Variants in BRD7 observed in about 807,000 individuals in gnomAD.
The protein encoded by BRD7 is bromodomain containing 7.
A neutral mutation model predicts 82.1 loss-of-function variants in BRD7; 15 were observed. The ratio of observed to expected loss-of-function variants is 0.18; its 90% CI spans 0.12 to 0.28. The LOEUF is 0.28. Among genes scored for constraint, BRD7 ranks in the 10% least tolerant of loss-of-function variants. The pLI is 1.00. For missense variants in BRD7, 638 were observed against 779.9 expected, an observed-to-expected ratio of 0.82 and a Z score of 2.17; for synonymous variants, 232 against 266.9, an observed-to-expected ratio of 0.87 and a Z score of 1.27.
intron 4 of BRD7, among the ~76,000 whole-genome samples, chr16:50,351,134 T>C (rs1187982882): frequency 6.6e-6 from 1 of 152,212 alleles, no homozygotes; most frequent in African/African-American, 2.4e-5. Flanking sequence ...TTTAAAAACA[T>C]ATTTACCATG....
chr16:50,320,414 C>T (rs149534506), intron 14 of BRD7, 23 bp from the exon 15 acceptor site: 21 of 1,609,530 alleles, frequency 1.3e-5, no homozygotes, highest in African/African-American at 2.7e-5. Flanking sequence ...AAAACAGACA[C>T]ACTTCTGTTT....
intron 5 of BRD7, among the ~76,000 whole-genome samples, chr16:50,347,743 G>A (rs1171203431): frequency 6.6e-6 from 1 of 152,166 alleles, no homozygotes; most frequent in Non-Finnish European, 1.5e-5. Flanking sequence ...ATAAACCACT[G>A]CTCAATGAAA....
rs566226793 is a variant in BRD7, at chr16:50,324,429, C to T, written c.1332-731G>A. Reference sequence around the variant, plus strand: ...ATCTGGACCGGGTCACTCTTCTGCTCGCAATCCACCAGTAACTTCCATCTC... The same window carrying T: ...ATCTGGACCGGGTCACTCTTCTGCTTGCAATCCACCAGTAACTTCCATCTC... On this transcript the variant is annotated intron_variant, in intron 11 of 16. Transcript: ENST00000394688. Among the ~76,000 whole-genome samples, 24 of 152,150 alleles carry T rather than the reference C, an allele frequency of 1.6e-4. 1 individual carries two copies. The highest frequency in any genetic ancestry group is 9.2e-4 in the Admixed American group (14 of 15,272).
intron 5 of BRD7, 62 bp downstream of exon 5, chr16:50,349,961 T>C (rs924460919): frequency 7.4e-7 from 1 of 1,358,060 alleles, no homozygotes; most frequent in Non-Finnish European, 9.8e-7. Flanking sequence ...ATGAGAAAGA[T>C]TCTGAATATC....
chr16:50,323,495 A>AT (rs1353197979), intron 12 of BRD7, 92 bp downstream of exon 12: 3 of 1,082,896 alleles, frequency 2.8e-6, no homozygotes, highest in African/African-American at 3.1e-5. Context: ...TTCAGCTGTC[A>AT]TACTTGTTAA....
At position 50,368,889 on chromosome 16, in the gene BRD7, G is replaced by T. The variant is rs552962598; in HGVS notation, c.-115C>A. ...AGCGGGGCCCGCGAGACCCCGCGCCGCGAGGCAGGGGGGCGGCGCGCGCCG... is the reference window on the plus strand; with the variant it reads ...AGCGGGGCCCGCGAGACCCCGCGCCTCGAGGCAGGGGGGCGGCGCGCGCCG... On this transcript the variant is annotated 5_prime_UTR_variant, in exon 1 of 17. Transcript: ENST00000394688. 94 of 599,762 alleles carry T rather than the reference G, an allele frequency of 1.6e-4. No homozygotes were observed. In the South Asian group the frequency reaches 3.9e-3, roughly 25 times the overall value. 37.2% of individuals were successfully genotyped at this position (599,762 alleles called of 1,614,324 possible). A position where few individuals can be genotyped will look rare whatever the true frequency, so the allele number is the denominator to read the frequency against.
intron 4 of BRD7, among the ~76,000 whole-genome samples, chr16:50,354,027 TG>T (rs1282135214): frequency 6.6e-6 from 1 of 152,246 alleles, no homozygotes; most frequent in African/African-American, 2.4e-5. Flanking sequence ...TTCCTATTTA[TG>T]GTGTTTTATT....
In BRD7 at chr16:50,320,650, T is replaced by G; in HGVS notation, c.1612+13A>C. 6.3e-7 allele frequency: 1 copy of G among 1,598,992 alleles called. No homozygotes were observed. The highest frequency in any genetic ancestry group is 8.6e-7 in the Non-Finnish European group (1 of 1,166,564). ...CATGCAGTGTTTCAATCAAACCCTC[T>G]GGAGACACTTACCTTCAGAGTCAAA... On this transcript the variant is annotated intron_variant, in intron 14 of 16. Coordinates refer to ENST00000394688, the MANE Select transcript of BRD7 (RefSeq NM_013263.5).
chr16:50,356,743 C>T (rs948774979), intron 2 of BRD7, among the ~76,000 whole-genome samples: 14 of 151,420 alleles, frequency 9.2e-5, no homozygotes, highest in Middle Eastern at 3.4e-3. Context: ...TATATATACA[C>T]ACACACACAC....
At chr16:50,344,810 T>C (rs2038215931) in intron 5 of BRD7, among the ~76,000 whole-genome samples, 1 of 152,144 alleles carries the variant, frequency 6.6e-6, no homozygotes, top group East Asian at 1.9e-4. Context: ...CTGAAAGTGA[T>C]GGGGAGAATG....
At chr16:50,333,423 G>A in intron 8 of BRD7, 151 bp downstream of exon 8, 1 of 989,898 alleles carries the variant, frequency 1.0e-6, no homozygotes, top group Non-Finnish European at 1.5e-6. Context: ...GGAATTGTCT[G>A]TCCATTATTA....
rs988723935 is a variant in BRD7 at position 50,368,535 on chromosome 16, AGGGGGACCC to A, written c.49+182_49+190del. Reference sequence around the variant, plus strand: ...CTCCCCACCAGAGACCCACCGGACCAGGGGGACCCGGGTTCGAATGCCGCGGCCGCACGG... The same window carrying A: ...CTCCCCACCAGAGACCCACCGGACCAGGGTTCGAATGCCGCGGCCGCACGG... On this transcript the variant is annotated intron_variant, in intron 1 of 16. Coordinates refer to ENST00000394688, the MANE Select transcript of BRD7 (RefSeq NM_013263.5). 122 of 705,232 alleles carry A rather than the reference AGGGGGACCC, an allele frequency of 1.7e-4. 1 individual carries two copies. In the South Asian group the frequency reaches 2.9e-3, roughly 17 times the overall value. The allele number at this position is 705,232 out of a possible 1,614,324, so 43.7% of individuals were successfully genotyped here.
intron 1 of BRD7, 195 bp downstream of exon 1, chr16:50,368,531 G>C (rs1004124606): frequency 2.9e-6 from 2 of 700,900 alleles, no homozygotes; most frequent in African/African-American, 1.9e-5. Context: ...AGACCCACCG[G>C]ACCAGGGGGA....
rs375820132 is a variant in BRD7, at chr16:50,324,279, G to C, written c.1332-581C>G. Among the ~76,000 whole-genome samples, 11 of 152,080 alleles carry C rather than the reference G, an allele frequency of 7.2e-5. No homozygotes were observed. The South Asian group carries it at 1.9e-3, about 26-fold the overall frequency. On this transcript the variant is annotated intron_variant, in intron 11 of 16. Coordinates refer to ENST00000394688, the MANE Select transcript of BRD7 (RefSeq NM_013263.5). Reference sequence around the variant, plus strand: ...CAGTAAAGAAATCCTACTGGCTGATGACTGAGCCCTTCCCAGAACCTCACC... The same window carrying C: ...CAGTAAAGAAATCCTACTGGCTGATCACTGAGCCCTTCCCAGAACCTCACC...
chr16:50,339,173 C>A lies in BRD7; in HGVS notation c.702+803G>T, dbSNP rs980262604. Among the ~76,000 whole-genome samples the A allele has an allele frequency of 5.9e-5, 9 of 152,364 alleles. No individual in the cohort carries two copies. The Middle Eastern group carries it at 0.01, about 173-fold the overall frequency. ...TCAAATGACTTACTATGCACTAATTCTTACCCTTTAAGGAAGAGTCTGCTG... is the reference window on the plus strand; with the variant it reads ...TCAAATGACTTACTATGCACTAATTATTACCCTTTAAGGAAGAGTCTGCTG... On this transcript the variant is annotated intron_variant, in intron 6 of 16. Coordinates refer to ENST00000394688, the MANE Select transcript of BRD7 (RefSeq NM_013263.5).
At chr16:50,364,310 A>T (rs1349236258) in intron 2 of BRD7, among the ~76,000 whole-genome samples, 1 of 152,178 alleles carries the variant, frequency 6.6e-6, no homozygotes, top group Non-Finnish European at 1.5e-5. Flanking sequence ...CACATCAACT[A>T]CTATTCCTAA....
chr16:50,358,727 C>T (rs1226075355), intron 2 of BRD7, among the ~76,000 whole-genome samples: 1 of 152,130 alleles, frequency 6.6e-6, no homozygotes, highest in Non-Finnish European at 1.5e-5. Flanking sequence ...ACCTAGTTAT[C>T]CTGGTCTACC....
At chr16:50,323,724 CACAT>C in intron 11 of BRD7, 26 bp from the exon 12 acceptor site, 1 of 1,548,612 alleles carries the variant, frequency 6.5e-7, no homozygotes, top group Non-Finnish European at 8.9e-7. Context: ...AGGAAAGTCT[CACAT>C]AAATCACCTC....
intron 8 of BRD7, among the ~76,000 whole-genome samples, chr16:50,329,903 C>T (rs755172607): frequency 4.6e-5 from 7 of 152,302 alleles, no homozygotes; most frequent in East Asian, 1.9e-4. Context: ...GTTTTAACGC[C>T]GCTGTAATGG....
Sources: gnomAD v4.1 joint callset for allele counts (sites outside exome capture counted in the v4.1 genomes callset) on GRCh38, gnomAD v4.1.1 for gene constraint, MANE v1.5 for transcripts, NCBI Gene and HGNC (gene_info 2026-07-23, HGNC 2026-07-21) for gene names.